TNFSF15: variants seen among roughly 807,000 people sequenced by gnomAD.
TNFSF15 encodes tumor necrosis factor ligand superfamily member 15.
Under a neutral mutation model 26.4 loss-of-function variants are expected in TNFSF15, and 15 were observed. The observed-to-expected ratio is 0.57, with a 90% CI of 0.38 to 0.87. The LOEUF is 0.87. TNFSF15 is among the 40% of genes least tolerant of loss of function. TNFSF15 has a pLI of 0.00. For synonymous variants in TNFSF15, 116 were observed against 115.0 expected, an observed-to-expected ratio of 1.01 and a Z score of -0.06; for missense variants, 290 against 306.1, an observed-to-expected ratio of 0.95 and a Z score of 0.39.
intron 2 of TNFSF15, among the ~76,000 whole-genome samples, chr9:114,792,830 C>A (rs896222404): frequency 6.6e-5 from 10 of 152,222 alleles, no homozygotes; most frequent in African/African-American, 2.2e-4. Flanking sequence ...TGCTCTTTCC[C>A]ACAAAATTCT....
At chr9:114,794,051 T>C (rs1829645040) in intron 1 of TNFSF15, among the ~76,000 whole-genome samples, 1 of 152,220 alleles carries the variant, frequency 6.6e-6, no homozygotes, top group African/African-American at 2.4e-5. Context: ...ACTTTTTAAA[T>C]AATTGCAACC....
intron 2 of TNFSF15, among the ~76,000 whole-genome samples, chr9:114,792,803 A>G (rs1390986521): frequency 6.6e-6 from 1 of 152,226 alleles, no homozygotes; most frequent in African/African-American, 2.4e-5. Context: ...GCCAATGCTC[A>G]ATAAAGCACA....
At chr9:114,800,668 C>T (rs1344852934) in intron 1 of TNFSF15, among the ~76,000 whole-genome samples, 3 of 152,114 alleles carry the variant, frequency 2.0e-5, no homozygotes, top group Non-Finnish European at 4.4e-5. Context: ...TGAGGTGATG[C>T]ATGTAGTAAT....
rs532303771 is a variant in TNFSF15, at chr9:114,798,140, G to T, written c.211-4572C>A. On this transcript the variant is annotated intron_variant, in intron 1 of 3. Coordinates refer to ENST00000374045, the MANE Select transcript of TNFSF15 (RefSeq NM_005118.4). The stretch of plus-strand genomic sequence containing the variant: ...CCTCTAAAGGTCTTCATCAGGCTCT[G>T]TGTGGAGCATAGCTGTGGCTCTAGA... Among the ~76,000 whole-genome samples the T allele has an allele frequency of 3.5e-4, 53 of 152,346 alleles. No homozygotes were observed. In the South Asian group the frequency reaches 0.011, roughly 31 times the overall value.
chr9:114,787,050 G>A lies in TNFSF15; in HGVS notation c.*3402C>T, dbSNP rs1829514015. The A allele has an allele frequency of 2.0e-5, 3 of 152,044 alleles. No homozygotes were observed. Among genetic ancestry groups the A allele is most frequent in the South Asian group, 4.1e-4 (2 of 4,826 alleles). The allele number at this position is 152,044 out of a possible 1,614,324, so 9.4% of individuals were successfully genotyped here. A position where few individuals can be genotyped will look rare whatever the true frequency, so the allele number is the denominator to read the frequency against. On this transcript the variant is annotated 3_prime_UTR_variant, in exon 4 of 4. Coordinates refer to ENST00000374045, the MANE Select transcript of TNFSF15 (RefSeq NM_005118.4). The stretch of plus-strand genomic sequence containing the variant: ...GATCATGGTCTCTGTATTTGCTGAG[G>A]AACACAGATTTTCAAAGCATTTCTG...
At chr9:114,801,801 T>C (rs897062849) in intron 1 of TNFSF15, among the ~76,000 whole-genome samples, 3 of 152,204 alleles carry the variant, frequency 2.0e-5, no homozygotes, top group African/African-American at 7.2e-5. Context: ...CTAACAGTTT[T>C]ATTATTTCTA....
intron 3 of TNFSF15, chr9:114,791,377 G>A (rs573499079): frequency 5.1e-6 from 1 of 194,302 alleles, no homozygotes; most frequent in African/African-American, 2.4e-5. Flanking sequence ...TGGCTGAACT[G>A]TTTTATCCCC....
intron 1 of TNFSF15, among the ~76,000 whole-genome samples, chr9:114,794,792 A>G (rs186702188): frequency 4.0e-3 from 604 of 152,294 alleles, no homozygotes; most frequent in Non-Finnish European, 6.3e-3. Context: ...CACACTTTGC[A>G]TGTTCTCATT....
chr9:114,793,519 T>G lies in TNFSF15; in HGVS notation c.253+7A>C. ...CGAGGAAAGGCGTTGAAGATGAGCA[T>G]ACTTACAAACTTGCTGATGTGAAGG... is the stretch of plus-strand genomic sequence containing the variant. On this transcript the variant is annotated splice_region_variant and intron_variant, in intron 2 of 3. Coordinates refer to ENST00000374045, the MANE Select transcript of TNFSF15 (RefSeq NM_005118.4). The G allele has an allele frequency of 6.2e-7, 1 of 1,613,790 alleles. No individual in the cohort carries two copies. The highest frequency in any genetic ancestry group is 8.5e-7 in the Non-Finnish European group (1 of 1,179,698).
chr9:114,793,670 C>T (rs1829638756), intron 1 of TNFSF15, 102 bp from the exon 2 acceptor site: 3 of 1,098,896 alleles, frequency 2.7e-6, no homozygotes, highest in Non-Finnish European at 4.2e-6. Context: ...TTCTGCTGCC[C>T]AGCCTGGGTA....
In TNFSF15 at chr9:114,789,112, T is replaced by C. The variant is rs919706247; in HGVS notation, c.*1340A>G. ...TTGACTTCTTTTTTCCCTTCCCCCA[T>C]GGAATAAGTCCATTGTCTCTCAGCA... On this transcript the variant is annotated 3_prime_UTR_variant, in exon 4 of 4. Transcript: ENST00000374045. The C allele has an allele frequency of 1.3e-5, 2 of 152,216 alleles. No homozygotes were observed. Among genetic ancestry groups the C allele is most frequent in the African/African-American group, 4.8e-5 (2 of 41,464 alleles). 9.4% of individuals were successfully genotyped at this position (152,216 alleles called of 1,614,324 possible). A position where few individuals can be genotyped will look rare whatever the true frequency, so the allele number is the denominator to read the frequency against.
chr9:114,792,547 G>A lies in TNFSF15; in HGVS notation c.254-93C>T, dbSNP rs371139299. 492 of 1,589,820 alleles carry A rather than the reference G, an allele frequency of 3.1e-4. 8 individuals carry two copies. The East Asian group carries it at 5.5e-3, about 18-fold the overall frequency. On this transcript the variant is annotated intron_variant, in intron 2 of 3. Transcript: ENST00000374045. ...GAGTTGCATGGCGCCTATGATAGGAGAGAAACCTTGATCTCCTCCAGCTTG... is the reference window on the plus strand; with the variant it reads ...GAGTTGCATGGCGCCTATGATAGGAAAGAAACCTTGATCTCCTCCAGCTTG...
At chr9:114,799,501 C>T (rs1490861944) in intron 1 of TNFSF15, among the ~76,000 whole-genome samples, 1 of 152,180 alleles carries the variant, frequency 6.6e-6, no homozygotes, top group Non-Finnish European at 1.5e-5. Context: ...GAGGCATCTG[C>T]TTTTCCCCAA....
chr9:114,798,360 C>A lies in TNFSF15; in HGVS notation c.211-4792G>T, dbSNP rs927343171. Among the ~76,000 whole-genome samples the A allele has an allele frequency of 3.9e-5, 6 of 151,954 alleles. No homozygotes were observed. The South Asian group carries it at 1.2e-3, about 32-fold the overall frequency. The stretch of plus-strand genomic sequence containing the variant: ...TTGTAGGTCAGGGAATTTTTCCTCT[C>A]ATTTGATTTTTGTTTTTTTTTTTGT... On this transcript the variant is annotated intron_variant, in intron 1 of 3. Transcript: ENST00000374045.
At position 114,796,203 on chromosome 9, in the gene TNFSF15, C is replaced by T. The variant is rs144044167; in HGVS notation, c.211-2635G>A. On this transcript the variant is annotated intron_variant, in intron 1 of 3. Coordinates refer to ENST00000374045, the MANE Select transcript of TNFSF15 (RefSeq NM_005118.4). ...CAATTCCAGGCCTTGGCATGCTGCTCTCCTGGATTCTTTCATCAGCCCCTG... is the reference window on the plus strand; with the variant it reads ...CAATTCCAGGCCTTGGCATGCTGCTTTCCTGGATTCTTTCATCAGCCCCTG... Among the ~76,000 whole-genome samples the T allele has an allele frequency of 1.2e-4, 19 of 152,310 alleles. No individual in the cohort carries two copies. The East Asian group carries it at 3.1e-3, about 25-fold the overall frequency.
chr9:114,800,339 C>A (rs186574763), intron 1 of TNFSF15, among the ~76,000 whole-genome samples: 36 of 152,210 alleles, frequency 2.4e-4, no homozygotes, highest in African/African-American at 7.9e-4. Flanking sequence ...TTAGTGAGTG[C>A]CTTCTGTGTG....
At chr9:114,796,452 C>A (rs577682555) in intron 1 of TNFSF15, among the ~76,000 whole-genome samples, 7 of 152,312 alleles carry the variant, frequency 4.6e-5, no homozygotes, top group Admixed American at 3.9e-4. Flanking sequence ...CTCTCTAAGC[C>A]CTCTGTGTTC....
chr9:114,800,829 G>C (rs1483394686), intron 1 of TNFSF15, among the ~76,000 whole-genome samples: 1 of 152,226 alleles, frequency 6.6e-6, no homozygotes, highest in Non-Finnish European at 1.5e-5. Context: ...GGTCGCAGCT[G>C]TGATGCGGTG....
rs1397878654 is a variant in TNFSF15 at position 114,787,042 on chromosome 9, T to A, written c.*3410A>T. ...TGCATTTTGATCATGGTCTCTGTATTTGCTGAGGAACACAGATTTTCAAAG... is the reference window on the plus strand; with the variant it reads ...TGCATTTTGATCATGGTCTCTGTATATGCTGAGGAACACAGATTTTCAAAG... On this transcript the variant is annotated 3_prime_UTR_variant, in exon 4 of 4. Transcript: ENST00000374045. 6.6e-6 allele frequency: 1 copy of A among 152,214 alleles called. No individual in the cohort carries two copies. The highest frequency in any genetic ancestry group is 6.5e-5 in the Admixed American group (1 of 15,284). The allele number at this position is 152,214 out of a possible 1,614,324, so 9.4% of individuals were successfully genotyped here. A position where few individuals can be genotyped will look rare whatever the true frequency, so the allele number is the denominator to read the frequency against.
Sources: allele counts gnomAD v4.1 joint callset (sites outside exome capture counted in the v4.1 genomes callset), GRCh38; gene constraint gnomAD v4.1.1; transcripts MANE v1.5; gene names NCBI Gene and HGNC (gene_info 2026-07-23, HGNC 2026-07-21).